Variants in PPP2CB observed in about 807,000 individuals in gnomAD.
PPP2CB encodes serine/threonine-protein phosphatase 2A catalytic subunit beta isoform.
A neutral mutation model predicts 39.1 loss-of-function variants in PPP2CB; 18 were observed. The observed-to-expected ratio is 0.46, with a 90% confidence interval of 0.32 to 0.68. The LOEUF (loss-of-function observed/expected upper bound fraction) is 0.68. Among genes scored for constraint, PPP2CB ranks in the 30% least tolerant of loss-of-function variants. The probability of loss-of-function intolerance (pLI) is 0.04; values close to 1 mark genes in which losing one functional copy is unlikely to be tolerated. For missense variants in PPP2CB, 226 were observed against 396.9 expected, an observed-to-expected ratio of 0.57 and a Z score of 3.66; for synonymous variants, 129 against 133.8, an observed-to-expected ratio of 0.96 and a Z score of 0.25.
chr8:30,792,446 T>G (rs1039932132), intron 5 of PPP2CB, among the ~76,000 whole-genome samples: 1 of 151,688 alleles, frequency 6.6e-6, no homozygotes, highest in African/African-American at 2.4e-5. Flanking sequence ...GTCTTTTTCT[T>G]TTTCCTCGTT....
intron 1 of PPP2CB, among the ~76,000 whole-genome samples, chr8:30,808,048 C>A (rs1172705631): frequency 2.0e-5 from 3 of 152,134 alleles, no homozygotes; most frequent in Non-Finnish European, 2.9e-5. Flanking sequence ...TTTGCAACTA[C>A]CTCAAAATAG....
rs1051028865 is a variant in PPP2CB at position 30,789,845 on chromosome 8, C to T, written c.857+1352G>A. On this transcript the variant is annotated intron_variant, in intron 6 of 6. Coordinates refer to ENST00000221138, the MANE Select transcript of PPP2CB (RefSeq NM_001009552.2). ...AACGGGGATTTATCCTCTCACAGTTCTGGAGGCTACAAGTCTGAAAGCAAG... is the reference window on the plus strand; with the variant it reads ...AACGGGGATTTATCCTCTCACAGTTTTGGAGGCTACAAGTCTGAAAGCAAG... Among the ~76,000 whole-genome samples the T allele has an allele frequency of 2.0e-5, 3 of 152,294 alleles. No homozygotes were observed. The East Asian group carries it at 5.8e-4, about 29-fold the overall frequency.
chr8:30,806,213 G>A (rs1033234988), intron 1 of PPP2CB, among the ~76,000 whole-genome samples: 2 of 149,832 alleles, frequency 1.3e-5, no homozygotes, highest in Non-Finnish European at 3.0e-5. Flanking sequence ...ACGCCTGGCT[G>A]ATTTTTTTTT....
intron 1 of PPP2CB, among the ~76,000 whole-genome samples, chr8:30,805,141 G>A (rs368613783): frequency 3.3e-5 from 5 of 152,230 alleles, no homozygotes; most frequent in African/African-American, 9.6e-5. Context: ...AGGAACAAGC[G>A]CCTCTTTTGC....
intron 2 of PPP2CB, 75 bp downstream of exon 2, chr8:30,799,471 G>T: frequency 8.5e-7 from 1 of 1,178,830 alleles, no homozygotes; most frequent in South Asian, 1.4e-5. Context: ...TAAAACAGAT[G>T]ATATGCAATA....
chr8:30,790,006 CCT>C (rs1430987159), intron 6 of PPP2CB, among the ~76,000 whole-genome samples: 1 of 152,122 alleles, frequency 6.6e-6, no homozygotes, highest in African/African-American at 2.4e-5. Context: ...AGCATTCTCC[CCT>C]GTGTGTGTTT....
chr8:30,812,129 G>A (rs903126740), intron 1 of PPP2CB, among the ~76,000 whole-genome samples, 191 bp downstream of exon 1: 1 of 151,998 alleles, frequency 6.6e-6, no homozygotes, highest in Admixed American at 6.5e-5. Context: ...AGGGGCAGGC[G>A]AGGGCAGCCC....
intron 6 of PPP2CB, among the ~76,000 whole-genome samples, chr8:30,789,823 G>A (rs1348311591): frequency 6.6e-6 from 1 of 152,110 alleles, no homozygotes; most frequent in Non-Finnish European, 1.5e-5. Context: ...CTTATACAAC[G>A]GGGATTTATC....
intron 1 of PPP2CB, among the ~76,000 whole-genome samples, chr8:30,802,492 T>C (rs1037691576): frequency 6.6e-6 from 1 of 151,928 alleles, no homozygotes; most frequent in African/African-American, 2.4e-5. Flanking sequence ...TTGCACAAAT[T>C]TTCTTTGAGA....
At chr8:30,810,981 G>A (rs1043216009) in intron 1 of PPP2CB, among the ~76,000 whole-genome samples, 2 of 152,104 alleles carry the variant, frequency 1.3e-5, no homozygotes, top group Non-Finnish European at 2.9e-5. Flanking sequence ...TATAGATTAC[G>A]TTTTAAAATA....
chr8:30,786,260 C>A lies in PPP2CB; in HGVS notation c.905G>T (p.Arg302Leu). 1 of 1,579,186 alleles carries A rather than the reference C, an allele frequency of 6.3e-7. No homozygotes were observed. Among genetic ancestry groups the A allele is most frequent in the Non-Finnish European group, 8.6e-7 (1 of 1,162,122 alleles). Residue 302 changes from arginine to leucine, a missense_variant, in exon 7 of 7, where the codon CGG becomes CTG. Arg to Leu is a moderately radical substitution (Grantham distance 102). Transcript: ENST00000221138. ...APRRGEPHVT[R>L]RTPDYFL ...TTATAGGAAGTAGTCTGGGGTGCGCCGTGTAACATGAGGCTCACCACGACG... is the reference window on the plus strand; with the variant it reads ...TTATAGGAAGTAGTCTGGGGTGCGCAGTGTAACATGAGGCTCACCACGACG...
At chr8:30,791,965 C>T (rs975795729) in intron 5 of PPP2CB, among the ~76,000 whole-genome samples, 6 of 136,034 alleles carry the variant, frequency 4.4e-5, no homozygotes, top group Non-Finnish European at 7.6e-5. Context: ...TATATGTATA[C>T]GTGTGTATAT....
chr8:30,797,431 T>C, intron 3 of PPP2CB, 150 bp downstream of exon 3: 2 of 735,636 alleles, frequency 2.7e-6, no homozygotes, highest in Non-Finnish European at 4.1e-6. Flanking sequence ...TCCACTTCCC[T>C]GCTTTGAAAT....
At chr8:30,792,918 C>T (rs140117803) in intron 5 of PPP2CB, among the ~76,000 whole-genome samples, 292 of 151,722 alleles carry the variant, frequency 1.9e-3, no homozygotes, top group Middle Eastern at 0.014. Context: ...TATCATGCTC[C>T]CTTGTTTCTA....
chr8:30,800,243 C>T (rs1806597260), intron 1 of PPP2CB, among the ~76,000 whole-genome samples: 1 of 152,146 alleles, frequency 6.6e-6, no homozygotes, highest in South Asian at 2.1e-4. Context: ...CTGATACATG[C>T]TACAACTTTG....
intron 1 of PPP2CB, chr8:30,809,864 G>A (rs1806794375): frequency 6.6e-6 from 1 of 152,120 alleles, no homozygotes; most frequent in Admixed American, 6.6e-5. Context: ...TTATGCCCCA[G>A]AAGTTGAGGT....
intron 1 of PPP2CB, 58 bp from the exon 2 acceptor site, chr8:30,799,813 A>G: frequency 1.3e-6 from 2 of 1,510,156 alleles, no homozygotes; most frequent in East Asian, 2.3e-5. Flanking sequence ...CTTATCTATT[A>G]AAAGAAAATT....
chr8:30,793,830 G>A, intron 5 of PPP2CB, 87 bp downstream of exon 5: 1 of 1,375,520 alleles, frequency 7.3e-7, no homozygotes, highest in East Asian at 2.5e-5. Context: ...AAATGGTGAG[G>A]AATGTTTCTT....
chr8:30,799,541 C>A lies in PPP2CB; in HGVS notation c.312+5G>T. The stretch of plus-strand genomic sequence containing the variant: ...GAAAAAAAAATTGAATTTCAATAAT[C>A]ATACCTTTAATGCTACAAGAAGAGT... On this transcript the variant is annotated splice_donor_5th_base_variant and intron_variant, in intron 2 of 6. Transcript: ENST00000221138. The A allele has an allele frequency of 1.2e-6, 2 of 1,601,860 alleles. No homozygotes were observed. The highest frequency in any genetic ancestry group is 1.1e-5 in the South Asian group (1 of 89,438).
Sources: gnomAD v4.1 joint callset for allele counts (sites outside exome capture counted in the v4.1 genomes callset) on GRCh38, gnomAD v4.1.1 for gene constraint, MANE v1.5 for transcripts, NCBI Gene and HGNC (gene_info 2026-07-23, HGNC 2026-07-21) for gene names.